SCGN: variants seen among roughly 807,000 people sequenced by gnomAD.
The protein encoded by SCGN is secretagogin, EF-hand calcium binding protein.
In SCGN, 30 loss-of-function variants were observed where a neutral mutation model predicts 39.7. The ratio of observed to expected loss-of-function variants is 0.76; its 90% CI spans 0.57 to 1.03. The LOEUF (loss-of-function observed/expected upper bound fraction) is 1.03. Among genes scored for constraint, SCGN ranks in the 50% least tolerant of loss-of-function variants. SCGN has a pLI of 0.00. For synonymous variants in SCGN, 106 were observed against 114.1 expected (o/e 0.93, Z 0.45); for missense variants, 353 against 349.4 (o/e 1.01, Z -0.08).
chr6:25,692,947 G>T (rs1759790655), intron 10 of SCGN, among the ~76,000 whole-genome samples: 1 of 152,108 alleles, frequency 6.6e-6, no homozygotes, highest in Admixed American at 6.6e-5. Context: ...GCCTGTGACA[G>T]ATCTGAGCTT....
At chr6:25,684,256 T>C (rs1180898012) in intron 7 of SCGN, among the ~76,000 whole-genome samples, 2 of 152,078 alleles carry the variant, frequency 1.3e-5, no homozygotes, top group African/African-American at 4.8e-5. Context: ...TGTGAATTGA[T>C]GGAGTTACAG....
intron 3 of SCGN, among the ~76,000 whole-genome samples, chr6:25,663,111 C>T (rs930310543): frequency 6.4e-4 from 97 of 152,268 alleles, no homozygotes; most frequent in African/African-American, 1.9e-3. Flanking sequence ...AAGACTGCAT[C>T]GTTCCCAAGG....
At position 25,669,555 on chromosome 6, in the gene SCGN, T is replaced by G; in HGVS notation, c.381T>G (p.Ala127=). 1 of 1,613,470 alleles carries G rather than the reference T, an allele frequency of 6.2e-7. No individual in the cohort carries two copies. The highest frequency in any genetic ancestry group is 8.5e-7 in the Non-Finnish European group (1 of 1,179,382). Residue 127 remains alanine (A), a synonymous_variant, in exon 5 of 11, where the codon GCT becomes GCG. Coordinates refer to ENST00000377961, the MANE Select transcript of SCGN (RefSeq NM_006998.4). ...YDADSSGFIS[A]AELRNFLRDL... is the part of the protein sequence containing the mutation. ...CTGACAGCAGTGGCTTTATATCAGCTGCTGAGCTCCGCGTGAGTGTCACTG... is the reference window on the plus strand; with the variant it reads ...CTGACAGCAGTGGCTTTATATCAGCGGCTGAGCTCCGCGTGAGTGTCACTG...
rs1212426866 is a variant in SCGN at position 25,691,070 on chromosome 6, C to T, written c.648C>T (p.Ala216=). ...FAYYDVSKTG[A]LEGPEVDGFV... ...TTCTTTTTCAGAGTAAAACAGGAGC[C>T]CTGGAAGGCCCAGAAGTGGATGGGT... The change falls in exon 10 of 11, where the codon GCC becomes GCT. Residue 216 remains alanine (A), a synonymous_variant. Coordinates refer to ENST00000377961, the MANE Select transcript of SCGN (RefSeq NM_006998.4). The T allele has an allele frequency of 1.9e-6, 3 of 1,613,330 alleles. No individual in the cohort carries two copies. The African/African-American group carries it at 4.0e-5, about 22-fold the overall frequency.
intron 10 of SCGN, among the ~76,000 whole-genome samples, chr6:25,696,579 A>G (rs1454987865): frequency 6.6e-6 from 1 of 152,152 alleles, no homozygotes; most frequent in African/African-American, 2.4e-5. Flanking sequence ...ATCTTTCTCT[A>G]TATTTGGCCT....
At chr6:25,662,978 A>G (rs1760362804) in intron 3 of SCGN, among the ~76,000 whole-genome samples, 1 of 152,236 alleles carries the variant, frequency 6.6e-6, no homozygotes, top group African/African-American at 2.4e-5. Context: ...AAATAACTGA[A>G]AACTATGTCA....
At chr6:25,675,477 A>T (rs1487303215) in intron 6 of SCGN, among the ~76,000 whole-genome samples, 1 of 152,262 alleles carries the variant, frequency 6.6e-6, no homozygotes, top group Non-Finnish European at 1.5e-5. Flanking sequence ...GCTTCAAGCT[A>T]GCCCACTCCC....
At chr6:25,658,275 G>A (rs1195405592) in intron 2 of SCGN, among the ~76,000 whole-genome samples, 1 of 151,378 alleles carries the variant, frequency 6.6e-6, no homozygotes, top group South Asian at 2.1e-4. Flanking sequence ...TCCTGCCCTC[G>A]TGATCCACCC....
intron 6 of SCGN, among the ~76,000 whole-genome samples, chr6:25,672,693 G>GA (rs1002240079): frequency 6.6e-6 from 1 of 152,166 alleles, no homozygotes; most frequent in African/African-American, 2.4e-5. Flanking sequence ...TAGTGAGATG[G>GA]AAAACGGCTA....
chr6:25,654,369 C>T (rs1290418488), intron 2 of SCGN, among the ~76,000 whole-genome samples: 1 of 152,188 alleles, frequency 6.6e-6, no homozygotes, highest in Non-Finnish European at 1.5e-5. Flanking sequence ...CTGGCTTCCG[C>T]CTTCTTCAGC....
intron 3 of SCGN, among the ~76,000 whole-genome samples, chr6:25,662,357 A>G (rs115323937): frequency 0.018 from 2,743 of 152,336 alleles, 37 homozygotes; most frequent in Middle Eastern, 0.037. Context: ...TTCCTAGAAT[A>G]ACATGACCAA....
chr6:25,693,451 C>CAAAAAAAAAAAAAAAAAAAA (rs11376402), intron 10 of SCGN, among the ~76,000 whole-genome samples: 1 of 48,426 alleles, frequency 2.1e-5, no homozygotes, highest in African/African-American at 7.9e-5. Flanking sequence ...GACTCCGTCT[C>CAAAAAAAAAAAAAAAAAAAA]AAAAAAAAAA....
chr6:25,689,824 T>A (rs573055968), intron 9 of SCGN, among the ~76,000 whole-genome samples: 7 of 152,154 alleles, frequency 4.6e-5, no homozygotes, highest in Non-Finnish European at 1.0e-4. Context: ...TCATTTATAA[T>A]ATCATACACA....
At chr6:25,666,694 T>C (rs1760429738) in intron 4 of SCGN, among the ~76,000 whole-genome samples, 2 of 152,214 alleles carry the variant, frequency 1.3e-5, no homozygotes, top group African/African-American at 4.8e-5. Context: ...TGCTATACAA[T>C]GTTAAGAAAC....
intron 2 of SCGN, among the ~76,000 whole-genome samples, chr6:25,657,685 A>G (rs115008714): frequency 0.012 from 1,826 of 148,966 alleles, 20 homozygotes; most frequent in African/African-American, 0.034. Context: ...TATTACGTGT[A>G]TATATATATG....
rs774742618 is a variant in SCGN at position 25,653,404 on chromosome 6, G to A, written c.105G>A (p.Lys35=). ...TAGAAAAAGGTTACATAGAAGAGAAGGAACTCGATGCTTTCTTTCTCCACA... is the reference window on the plus strand; with the variant it reads ...TAGAAAAAGGTTACATAGAAGAGAAAGAACTCGATGCTTTCTTTCTCCACA... ...DADEKGYIEE[K]ELDAFFLHML... is the part of the protein sequence containing the mutation. The change falls in exon 2 of 11, where the codon AAG becomes AAA. Residue 35 remains lysine, a synonymous_variant. Transcript: ENST00000377961. 1.2e-6 allele frequency: 2 copies of A among 1,612,196 alleles called. No individual in the cohort carries two copies. The highest frequency in any genetic ancestry group is 1.1e-5 in the South Asian group (1 of 90,948).
At chr6:25,693,571 G>T (rs979953927) in intron 10 of SCGN, among the ~76,000 whole-genome samples, 6 of 151,906 alleles carry the variant, frequency 3.9e-5, no homozygotes, top group South Asian at 4.2e-4. Flanking sequence ...TCAATGCATG[G>T]CTATGCCATT....
At chr6:25,677,101 C>G (rs967498908) in intron 6 of SCGN, among the ~76,000 whole-genome samples, 1 of 152,088 alleles carries the variant, frequency 6.6e-6, no homozygotes, top group East Asian at 1.9e-4. Flanking sequence ...GAATTTCTAT[C>G]TCGGTGCCTT....
chr6:25,678,605 G>A (rs1393366832), intron 6 of SCGN, among the ~76,000 whole-genome samples: 1 of 152,132 alleles, frequency 6.6e-6, no homozygotes, highest in Non-Finnish European at 1.5e-5. Context: ...AGCAGGACTG[G>A]CTCAGATATG....
Sources: gnomAD v4.1 joint callset for allele counts (sites outside exome capture counted in the v4.1 genomes callset) on GRCh38, gnomAD v4.1.1 for gene constraint, MANE v1.5 for transcripts, NCBI Gene and HGNC (gene_info 2026-07-23, HGNC 2026-07-21) for gene names.